Variants in SMYD4 observed in about 807,000 individuals in gnomAD.
The protein encoded by SMYD4 is SET and MYND domain containing 4, also known as protein-lysine N-methyltransferase SMYD4.
SMYD4 carries 68 observed loss-of-function variants against 72.8 expected under a neutral mutation model. The observed-to-expected ratio is 0.93, with a 90% CI of 0.77 to 1.14. The LOEUF (loss-of-function observed/expected upper bound fraction) is 1.14. Ranked by LOEUF, SMYD4 falls within the 50% of genes most tolerant of loss-of-function variation. SMYD4 has a pLI of 0.00. For missense variants in SMYD4, 984 were observed against 1,003.7 expected (o/e 0.98, Z 0.27); for synonymous variants, 407 against 388.6 (o/e 1.05, Z -0.56).
rs202173213 is a variant in SMYD4, at chr17:1,800,661, G to C, written c.733C>G (p.Arg245Gly). 1 of 1,614,054 alleles carries C rather than the reference G, an allele frequency of 6.2e-7. No homozygotes were observed. The highest frequency in any genetic ancestry group is 1.3e-5 in the African/African-American group (1 of 74,924). The change falls in exon 5 of 11, where the codon CGC becomes GGC. Residue 245 changes from arginine (R) to glycine (G), a missense_variant. Coordinates refer to ENST00000305513, the MANE Select transcript of SMYD4 (RefSeq NM_052928.3). Reference protein sequence around the residue: ...IGLCVDPLKGRCLVATKDILP... With the variant: ...IGLCVDPLKGGCLVATKDILP... Reference sequence around the variant, plus strand: ...ATATCTTTTGTGGCAACGAGACAGCGACCTTTTAAAGGATCTACGCATAAG... The same window carrying C: ...ATATCTTTTGTGGCAACGAGACAGCCACCTTTTAAAGGATCTACGCATAAG...
chr17:1,801,625 G>GAA (rs551608562), intron 4 of SMYD4, among the ~76,000 whole-genome samples: 36 of 89,948 alleles, frequency 4.0e-4, no homozygotes, highest in East Asian at 6.8e-4. Context: ...GGCAGGCTTT[G>GAA]AAAAAAAAAA....
At chr17:1,792,119 T>C (rs1012053257) in intron 5 of SMYD4, among the ~76,000 whole-genome samples, 1 of 151,726 alleles carries the variant, frequency 6.6e-6, no homozygotes, top group Non-Finnish European at 1.5e-5. Context: ...CGCGGCTCAG[T>C]GCAAGCTCCG....
intron 3 of SMYD4, among the ~76,000 whole-genome samples, chr17:1,805,420 A>G (rs1216747798): frequency 6.6e-6 from 1 of 152,188 alleles, no homozygotes; most frequent in African/African-American, 2.4e-5. Flanking sequence ...CAAACAAAAA[A>G]GAATACTTTT....
At chr17:1,815,610 A>T (rs1910550577) in intron 2 of SMYD4, among the ~76,000 whole-genome samples, 1 of 149,468 alleles carries the variant, frequency 6.7e-6, no homozygotes, top group Admixed American at 6.7e-5. Flanking sequence ...GTGAGCTACG[A>T]TCACACCACT....
chr17:1,809,709 G>C (rs112269698), intron 3 of SMYD4, among the ~76,000 whole-genome samples: 1 of 143,692 alleles, frequency 7.0e-6, no homozygotes, highest in Non-Finnish European at 1.5e-5. Context: ...TCGCTCTGTC[G>C]CCCAGGCTGG....
At chr17:1,796,717 G>A (rs1909428514) in intron 5 of SMYD4, among the ~76,000 whole-genome samples, 1 of 152,112 alleles carries the variant, frequency 6.6e-6, no homozygotes, top group Non-Finnish European at 1.5e-5. Context: ...TAATAGGTAT[G>A]AGCCACCGCG....
intron 5 of SMYD4, among the ~76,000 whole-genome samples, chr17:1,794,081 G>GTGTATATATATATATA (rs1454228796): frequency 1.9e-3 from 33 of 17,114 alleles, no homozygotes; most frequent in Non-Finnish European, 3.1e-3. Flanking sequence ...ATATATATGT[G>GTGTATATATATATATA]TATATATATA....
intron 2 of SMYD4, among the ~76,000 whole-genome samples, chr17:1,824,862 T>G (rs1453486860): frequency 2.6e-5 from 4 of 152,074 alleles, no homozygotes; most frequent in Non-Finnish European, 5.9e-5. Flanking sequence ...TGACTTCAAG[T>G]GATCCTCCTG....
At chr17:1,822,934 G>A (rs552557168) in intron 2 of SMYD4, among the ~76,000 whole-genome samples, 15 of 152,060 alleles carry the variant, frequency 9.9e-5, no homozygotes, top group Non-Finnish European at 2.2e-4. Flanking sequence ...CTTTACTTAA[G>A]GACATAGAAG....
intron 4 of SMYD4, among the ~76,000 whole-genome samples, chr17:1,801,919 C>T (rs1276853252): frequency 1.3e-5 from 2 of 151,742 alleles, no homozygotes; most frequent in Admixed American, 6.6e-5. Flanking sequence ...GAGGTTGCAG[C>T]GAGCCGAGAT....
At chr17:1,823,393 C>CAAAA (rs57044082) in intron 2 of SMYD4, among the ~76,000 whole-genome samples, 19 of 65,610 alleles carry the variant, frequency 2.9e-4, no homozygotes, top group Non-Finnish European at 4.0e-4. Context: ...GACTCCGTCT[C>CAAAA]AAAAAAAAAA....
In SMYD4 at chr17:1,786,932, T is replaced by C. The variant is rs1404917119; in HGVS notation, c.1762A>G (p.Lys588Glu). 1 of 1,614,146 alleles carries C rather than the reference T, an allele frequency of 6.2e-7. No individual in the cohort carries two copies. The highest frequency in any genetic ancestry group is 8.5e-7 in the Non-Finnish European group (1 of 1,180,038). ...SRMGVAERQQ[K>E]LRSQYFFDCA... ...TCAAAGAAATACTGAGACCTCAGCT[T>C]CTGCTGCCTTTCGGCAACCCCCATC... Residue 588 changes from lysine (K) to glutamate (E), a missense_variant, in exon 7 of 11, where the codon AAG (lysine) becomes GAG (glutamate). Transcript: ENST00000305513.
intron 3 of SMYD4, among the ~76,000 whole-genome samples, chr17:1,811,596 A>G (rs757036376): frequency 2.6e-5 from 4 of 152,214 alleles, no homozygotes; most frequent in Non-Finnish European, 5.9e-5. Context: ...CAATTTAGCA[A>G]TATGGGTCCA....
Position 1,794,081 on chromosome 17 carries a change from G to GTGTGTATATATATATATATA in SMYD4, c.1537+5775_1537+5776insTATATATATATATATACACA, listed in dbSNP as rs1454228796. ...TGTATATATATGTGTATATATATGT[G>GTGTGTATATATATATATATA]TATATATATATATATATATATATAT... On this transcript the variant is annotated intron_variant, in intron 5 of 10. Coordinates refer to ENST00000305513, the MANE Select transcript of SMYD4 (RefSeq NM_052928.3). 5.8e-4 allele frequency among the ~76,000 whole-genome samples: 10 copies of GTGTGTATATATATATATATA among 17,120 alleles called. 1 individual carries two copies. Among genetic ancestry groups the GTGTGTATATATATATATATA allele is most frequent in the Non-Finnish European group, 8.8e-4 (8 of 9,110 alleles). The allele number at this position is 17,120 out of a possible 152,430, so 11.2% of individuals were successfully genotyped here. A position where few individuals can be genotyped will look rare whatever the true frequency, so the allele number is the denominator to read the frequency against.
intron 3 of SMYD4, among the ~76,000 whole-genome samples, chr17:1,809,825 G>A (rs545149666): frequency 8.6e-5 from 13 of 151,766 alleles, no homozygotes; most frequent in East Asian, 3.9e-4. Context: ...GCCCGCCACC[G>A]TGCCCGGCTA....
rs772396461 is a variant in SMYD4 at position 1,800,931 on chromosome 17, C to A, written c.463G>T (p.Ala155Ser). The A allele has an allele frequency of 5.0e-6, 8 of 1,614,220 alleles. No individual in the cohort carries two copies. The highest frequency in any genetic ancestry group is 5.9e-6 in the Non-Finnish European group (7 of 1,180,032). Residue 155 changes from alanine to serine, a missense_variant, in exon 5 of 11, where the codon GCC (alanine) becomes TCC (serine). Coordinates refer to ENST00000305513, the MANE Select transcript of SMYD4 (RefSeq NM_052928.3). The part of the protein sequence containing the change: ...IMLRKAECLV[A>S]LGRLQEASQT... ...CTTGCCTCCTGCAGTCTCCCCAGGG[C>A]CACCAGACATTCTGCTTTACGTAAC...
chr17:1,798,871 C>T (rs1031690824), intron 5 of SMYD4, among the ~76,000 whole-genome samples: 2 of 151,194 alleles, frequency 1.3e-5, no homozygotes, highest in Admixed American at 6.6e-5. Flanking sequence ...TGCACTCCAG[C>T]CTGGGAAAGA....
chr17:1,813,552 C>G (rs1179682748), intron 2 of SMYD4, among the ~76,000 whole-genome samples: 3 of 151,954 alleles, frequency 2.0e-5, no homozygotes, highest in African/African-American at 4.8e-5. Flanking sequence ...TCAGGAGTAG[C>G]TAGGAGTGTG....
chr17:1,781,311 G>A lies in SMYD4; in HGVS notation c.2390C>T (p.Pro797Leu). The A allele has an allele frequency of 6.2e-7, 1 of 1,613,396 alleles. No individual in the cohort carries two copies. Among genetic ancestry groups the A allele is most frequent in the Non-Finnish European group, 8.5e-7 (1 of 1,179,992 alleles). ...CTACAATGCAGGCCCTACAGGGGTG[G>A]GTGGTAAGTCCAACAAACAGGATTT... ...KMKSCLLDLP[P>L]TPVGPAL Residue 797 changes from proline (P) to leucine (L), a missense_variant, in exon 11 of 11, where the codon CCC becomes CTC. Transcript: ENST00000305513.
Sources: allele counts gnomAD v4.1 joint callset (sites outside exome capture counted in the v4.1 genomes callset), GRCh38; gene constraint gnomAD v4.1.1; transcripts MANE v1.5; gene names NCBI Gene and HGNC (gene_info 2026-07-23, HGNC 2026-07-21).